ZAN: variants seen among roughly 807,000 people sequenced by gnomAD.
ZAN encodes the protein zonadhesin (gene/pseudogene).
A neutral mutation model predicts 286.2 loss-of-function variants in ZAN; 260 were observed. That is an observed-to-expected ratio of 0.91 (90% CI 0.82 to 1.01). The LOEUF is 1.01. Among genes scored for constraint, ZAN ranks in the 50% least tolerant of loss-of-function variants. The pLI is 0.00. For missense variants in ZAN, 3,410 were observed against 3,639.2 expected (o/e 0.94, Z 1.62); for synonymous variants, 1,368 against 1,417.5 (o/e 0.97, Z 0.79).
chr7:100,791,361 CTTCT>C (rs1015740124), intron 40 of ZAN, among the ~76,000 whole-genome samples: 16 of 151,938 alleles, frequency 1.1e-4, no homozygotes, highest in African/African-American at 3.6e-4. Context: ...TTCCTTCTTC[CTTCT>C]TTCCTCCTCC....
intron 40 of ZAN, among the ~76,000 whole-genome samples, chr7:100,791,626 C>A (rs988466952): frequency 1.3e-5 from 2 of 152,170 alleles, no homozygotes; most frequent in African/African-American, 4.8e-5. Flanking sequence ...ATACTGGTCT[C>A]GAACTCCTGA....
chr7:100,782,448 C>G (rs1307695161), intron 35 of ZAN, among the ~76,000 whole-genome samples: 2 of 152,072 alleles, frequency 1.3e-5, no homozygotes, highest in Non-Finnish European at 2.9e-5. Flanking sequence ...CCTGCCTCAG[C>G]CTTCCGAGTA....
intron 45 of ZAN, 49 bp downstream of exon 45, chr7:100,795,385 G>A (rs780174773): frequency 6.2e-6 from 9 of 1,455,132 alleles, no homozygotes; most frequent in African/African-American, 4.4e-5. Context: ...CTTCCTGGCC[G>A]ACAACCACAG....
rs1562906555 is a variant in ZAN, at chr7:100,734,169, ATGGTTCCTCCAG to A, written c.3_14del (p.MetValProProVal1_?5). The A allele has an allele frequency of 6.9e-7, 1 of 1,456,728 alleles. No individual in the cohort carries two copies. 90.2% of individuals were successfully genotyped at this position (1,456,728 alleles called of 1,614,324 possible). A position where few individuals can be genotyped will look rare whatever the true frequency, so the allele number is the denominator to read the frequency against. ...CTGGGAGCAACCACTTAGGGTCCTC[ATGGTTCCTCCAG>A]TCTGGACTCTGCTGCTTCTGGTGGG... On this transcript the variant is annotated start_lost and inframe_deletion, in exon 2 of 48. Transcript: ENST00000613979.
Position 100,768,649 on chromosome 7 carries a change from C to G in ZAN, c.5081C>G (p.Pro1694Arg). The change falls in exon 27 of 48, where the codon CCC becomes CGC. Residue 1694 changes from proline (P) to arginine (R), a missense_variant. Pro to Arg is a moderately radical substitution (Grantham distance 103). Around this residue, in one of 7 missense-constraint regions of ZAN, gnomAD observed 1,042 missense variants for 1,058.0 expected, o/e 0.98. Transcript: ENST00000613979. The part of the protein sequence containing the change: ...NNNSLDDNLR[P>R]DRKLAGDSMQ... ...AACAGCTTGGATGACAACCTGCGCCCCGACAGAAAGCTTGCAGGCGATTCC... is the reference window on the plus strand; with the variant it reads ...AACAGCTTGGATGACAACCTGCGCCGCGACAGAAAGCTTGCAGGCGATTCC... 6.2e-7 allele frequency: 1 copy of G among 1,610,950 alleles called. No individual in the cohort carries two copies. Among genetic ancestry groups the G allele is most frequent in the East Asian group, 2.2e-5 (1 of 44,772 alleles).
chr7:100,797,572 T>G lies in ZAN; in HGVS notation c.8367-5T>G, dbSNP rs1812445822. On this transcript the variant is annotated splice_region_variant and splice_polypyrimidine_tract_variant and intron_variant, in intron 46 of 47. Transcript: ENST00000613979. ...GACCCATGTCTATTCCCCCATGCCT[T>G]CTAGAGAGAAAACGCAGGAGGGAGA... 6.2e-7 allele frequency: 1 copy of G among 1,613,232 alleles called. No homozygotes were observed. Among genetic ancestry groups the G allele is most frequent in the Admixed American group, 1.7e-5 (1 of 59,938 alleles).
In ZAN at chr7:100,792,096, C is replaced by G. The variant is rs372497994; in HGVS notation, c.7660C>G (p.Gln2554Glu). 5 of 1,612,772 alleles carry G rather than the reference C, an allele frequency of 3.1e-6. No individual in the cohort carries two copies. The African/African-American group carries it at 6.7e-5, about 22-fold the overall frequency. ...TQACRVLADP[Q>E]GPFAACHQTV... ...GGCCTGTAGGGTGCTGGCAGACCCC[C>G]AGGGCCCCTTTGCTGCCTGTCACCA... The change falls in exon 41 of 48, where the codon CAG (glutamine) becomes GAG (glutamate). Residue 2554 changes from glutamine to glutamate, a missense_variant. Gln to Glu is a conservative substitution (Grantham distance 29). This residue lies in a region of ZAN where 1,289 missense variants were observed against 1,314.3 expected (regional missense o/e 0.98). Transcript: ENST00000613979.
intron 27 of ZAN, among the ~76,000 whole-genome samples, chr7:100,769,001 T>C (rs1007581806): frequency 6.6e-6 from 1 of 152,142 alleles, no homozygotes; most frequent in African/African-American, 2.4e-5. Context: ...CCTTTTTCCT[T>C]CCTGCTGCAT....
Position 100,767,002 on chromosome 7 carries a change from C to T in ZAN, c.4613-8C>T. ...GTGAGACTGTGAACTCCATCTTCTT[C>T]TCCACAGGTGCCGCCACCTGCACAG... is the stretch of plus-strand genomic sequence containing the variant. On this transcript the variant is annotated splice_region_variant and splice_polypyrimidine_tract_variant and intron_variant, in intron 24 of 47. Coordinates refer to ENST00000613979, the MANE Select transcript of ZAN (RefSeq NM_003386.3). 6.2e-7 allele frequency: 1 copy of T among 1,613,490 alleles called. No individual in the cohort carries two copies. Among genetic ancestry groups the T allele is most frequent in the Non-Finnish European group, 8.5e-7 (1 of 1,179,600 alleles).
chr7:100,789,475 A>G (rs1184337880), intron 39 of ZAN, 128 bp downstream of exon 39: 3 of 1,433,374 alleles, frequency 2.1e-6, no homozygotes, highest in African/African-American at 1.4e-5. Flanking sequence ...GCTTCAGAGG[A>G]GGACCAGGAG....
chr7:100,758,568 T>G lies in ZAN; in HGVS notation c.3489T>G (p.His1163Gln). The change falls in exon 17 of 48, where the codon CAT becomes CAG. Residue 1163 changes from histidine (H) to glutamine (Q), a missense_variant. This residue lies in a region of ZAN where 1,042 missense variants were observed against 1,058.0 expected (regional missense o/e 0.98). Transcript: ENST00000613979. ...CCTGCTTGGTCTACGGAGACCCTCA[T>G]TATGTCACCTTTGACGGGAGGCACT... ...TATCLVYGDP[H>Q]YVTFDGRHFG... The G allele has an allele frequency of 6.4e-7, 1 of 1,565,686 alleles. No individual in the cohort carries two copies. The highest frequency in any genetic ancestry group is 1.2e-5 in the South Asian group (1 of 84,946).
chr7:100,758,799 A>C (rs1809343163), intron 17 of ZAN, 149 bp downstream of exon 17: 1 of 1,322,296 alleles, frequency 7.6e-7, no homozygotes, highest in Non-Finnish European at 1.0e-6. Flanking sequence ...GTGAGGGTTG[A>C]AGGCCAGGCA....
chr7:100,791,498 C>T, intron 40 of ZAN, among the ~76,000 whole-genome samples: 1 of 151,956 alleles, frequency 6.6e-6, no homozygotes, highest in African/African-American at 2.4e-5. Flanking sequence ...CCTCTGCCTC[C>T]CAGTTTCAAG....
At chr7:100,786,567 C>T in intron 37 of ZAN, among the ~76,000 whole-genome samples, 1 of 152,116 alleles carries the variant, frequency 6.6e-6, no homozygotes, top group East Asian at 1.9e-4. Flanking sequence ...GACCACCACA[C>T]CCAGCCAATT....
rs558886087 is a variant in ZAN at position 100,776,435 on chromosome 7, G to A, written c.6193-5G>A. On this transcript the variant is annotated splice_region_variant and splice_polypyrimidine_tract_variant and intron_variant, in intron 33 of 47. Coordinates refer to ENST00000613979, the MANE Select transcript of ZAN (RefSeq NM_003386.3). The stretch of plus-strand genomic sequence containing the variant: ...CAGCACCGAAAAACCACTCTCCCCC[G>A]CCAGGTCTGCGGCATGTGTGGGAAC... The A allele has an allele frequency of 7.5e-6, 12 of 1,603,124 alleles. No individual in the cohort carries two copies. Among genetic ancestry groups the A allele is most frequent in the East Asian group, 4.5e-5 (2 of 44,524 alleles).
intron 38 of ZAN, among the ~76,000 whole-genome samples, chr7:100,788,432 G>T (rs1211033325): frequency 6.6e-6 from 1 of 151,804 alleles, no homozygotes; most frequent in African/African-American, 2.4e-5. Context: ...CACACCTGTA[G>T]TTCCAGCTAT....
chr7:100,751,897 C>A lies in ZAN; in HGVS notation c.1792C>A (p.Pro598Thr). The A allele has an allele frequency of 6.2e-7, 1 of 1,613,324 alleles. No individual in the cohort carries two copies. The highest frequency in any genetic ancestry group is 8.5e-7 in the Non-Finnish European group (1 of 1,179,762). ...AAAGCCCACCATTCCCACAGAAAAA[C>A]CCACCATCTCCACAGAAAAACCCAC... ...KEKPTIPTEKPTISTEKPTIP... is the reference protein window; with the variant it reads ...KEKPTIPTEKTTISTEKPTIP... The change falls in exon 14 of 48, where the codon CCC (proline) becomes ACC (threonine). Residue 598 changes from proline (P) to threonine (T), a missense_variant. By Grantham distance (38) the Pro-to-Thr change is conservative. This residue lies in a region of ZAN where 872 missense variants were observed against 938.9 expected (regional missense o/e 0.93). Coordinates refer to ENST00000613979, the MANE Select transcript of ZAN (RefSeq NM_003386.3).
In ZAN at chr7:100,752,560, A is replaced by G. The variant is rs1808808889; in HGVS notation, c.2455A>G (p.Met819Val). ...CTCCACAGAAAAACCCAGCATCCCC[A>G]TGGAAAAACCCACTCTCCCCACTGA... ...TISTEKPSIP[M>V]EKPTLPTEET... is the part of the protein sequence containing the mutation. The change falls in exon 14 of 48, where the codon ATG (methionine) becomes GTG (valine). Residue 819 changes from methionine to valine, a missense_variant. Physicochemically the swap from Met to Val is conservative, Grantham distance 21. Transcript: ENST00000613979. 3.1e-6 allele frequency: 5 copies of G among 1,612,686 alleles called. No individual in the cohort carries two copies. The highest frequency in any genetic ancestry group is 1.1e-5 in the South Asian group (1 of 90,980).
chr7:100,766,099 G>A (rs753678959), intron 23 of ZAN, among the ~76,000 whole-genome samples: 43 of 151,608 alleles, frequency 2.8e-4, no homozygotes, highest in African/African-American at 1.0e-3. Flanking sequence ...CGATTCTCCC[G>A]CCTAAGCCTC....
Sources: allele counts gnomAD v4.1 joint callset (sites outside exome capture counted in the v4.1 genomes callset), GRCh38; gene constraint gnomAD v4.1.1; regional missense constraint gnomAD v4.1.1; transcripts MANE v1.5; gene names NCBI Gene and HGNC (gene_info 2026-07-23, HGNC 2026-07-21).